The following VPS52 variants were observed in gnomAD, a reference collection of about 807,000 sequenced individuals.
The protein encoded by VPS52 is vacuolar protein sorting-associated protein 52 homolog.
In VPS52, 56 loss-of-function variants were observed where a neutral mutation model predicts 98.7. That is an observed-to-expected ratio of 0.57 (90% CI 0.46 to 0.71). The LOEUF (loss-of-function observed/expected upper bound fraction) is 0.71, where lower values mean the gene tolerates loss of function less well. VPS52 is among the 30% of genes least tolerant of loss of function. VPS52 has a pLI of 0.00. For synonymous variants in VPS52, 348 were observed against 346.4 expected (o/e 1.00, Z -0.05); for missense variants, 742 against 925.9 (o/e 0.80, Z 2.58).
chr6:33,267,761 C>A lies in VPS52; in HGVS notation c.934-22G>T. On this transcript the variant is annotated intron_variant, in intron 9 of 19. Coordinates refer to ENST00000445902, the MANE Select transcript of VPS52 (RefSeq NM_022553.6). The surrounding 1 kb of genome is among the most constrained non-coding windows in gnomAD (Gnocchi z 4.2). ...CATACTAAGGAAAGAGAAAAGAGAA[C>A]TGATAACCGTCTCTTCCCACAACAC... The A allele has an allele frequency of 6.2e-7, 1 of 1,612,988 alleles. No individual in the cohort carries two copies. The highest frequency in any genetic ancestry group is 8.5e-7 in the Non-Finnish European group (1 of 1,179,990).
chr6:33,266,752 G>T (rs1286697255), intron 11 of VPS52, 40 bp from the exon 12 acceptor site: 2 of 1,575,162 alleles, frequency 1.3e-6, no homozygotes, highest in South Asian at 2.4e-5. Context: ...AGAAGGGATG[G>T]ACCCCAACAC....
chr6:33,251,911 C>A lies in VPS52; in HGVS notation c.1855G>T (p.Ala619Ser), dbSNP rs1762299835. 6.2e-7 allele frequency: 1 copy of A among 1,613,146 alleles called. No individual in the cohort carries two copies. The highest frequency in any genetic ancestry group is 1.3e-5 in the African/African-American group (1 of 74,920). ...FGGLVAFVKE[A>S]EALIERGQAE... ...TGTCCACGCTCAATCAAAGCCTCAG[C>A]CTCCTTCACAAATGCCACTAAACCC... The change falls in exon 18 of 20, where the codon GCT (alanine) becomes TCT (serine). Residue 619 changes from alanine (A) to serine (S), a missense_variant. Around this residue, in one of 2 missense-constraint regions of VPS52, gnomAD observed 590 missense variants for 793.3 expected, o/e 0.74. Transcript: ENST00000445902.
rs974802038 is a variant in VPS52 at position 33,264,205 on chromosome 6, C to G, written c.1525-102G>C. 3.9e-6 allele frequency: 6 copies of G among 1,541,990 alleles called. No homozygotes were observed. In the African/African-American group the frequency reaches 8.2e-5, roughly 21 times the overall value. On this transcript the variant is annotated intron_variant, in intron 14 of 19. Coordinates refer to ENST00000445902, the MANE Select transcript of VPS52 (RefSeq NM_022553.6). ...CCACCTCCATGTGATGTGACTCTAC[C>G]TTCAGTCCCTCCTACCCACAGTGCA...
Position 33,269,885 on chromosome 6 carries a change from G to T in VPS52, c.229-66C>A, listed in dbSNP as rs540434750. On this transcript the variant is annotated intron_variant, in intron 3 of 19. Coordinates refer to ENST00000445902, the MANE Select transcript of VPS52 (RefSeq NM_022553.6). ...GTAAAGGGACACTGTAACAGAATCA[G>T]TGAAGGACTAAAGGGTCAGATACCA... 3.8e-5 allele frequency: 60 copies of T among 1,593,472 alleles called. No individual in the cohort carries two copies. The East Asian group carries it at 1.2e-3, about 33-fold the overall frequency.
chr6:33,254,015 G>C (rs1581552577), intron 17 of VPS52, among the ~76,000 whole-genome samples: 2 of 152,122 alleles, frequency 1.3e-5, no homozygotes, highest in South Asian at 4.1e-4. Context: ...TAATGTAAAA[G>C]GGAGATTCAA....
chr6:33,251,269 G>C (rs1033396413), intron 19 of VPS52, among the ~76,000 whole-genome samples: 1 of 151,934 alleles, frequency 6.6e-6, no homozygotes, highest in African/African-American at 2.4e-5. Flanking sequence ...TTGAACCTGG[G>C]AGGCAGAGGT....
rs1259410419 is a variant in VPS52 at position 33,269,052 on chromosome 6, C to A, written c.510G>T (p.Glu170Asp). ...NRQAVRGKLGELVDGLVVPSA... is the reference protein window; with the variant it reads ...NRQAVRGKLGDLVDGLVVPSA... Reference sequence around the variant, plus strand: ...AAGGCACCACCAGACCATCAACAAGCTCCCCAAGTTTCCCCCGAACTGCCT... The same window carrying A: ...AAGGCACCACCAGACCATCAACAAGATCCCCAAGTTTCCCCCGAACTGCCT... Residue 170 changes from glutamate to aspartate, a missense_variant, in exon 6 of 20, where the codon GAG becomes GAT. Physicochemically the swap from Glu to Asp is conservative, Grantham distance 45 (BLOSUM62 2). Transcript: ENST00000445902. 7 of 1,612,700 alleles carry A rather than the reference C, an allele frequency of 4.3e-6. No individual in the cohort carries two copies. Among genetic ancestry groups the A allele is most frequent in the Non-Finnish European group, 5.9e-6 (7 of 1,179,922 alleles).
At chr6:33,266,534 G>C in intron 12 of VPS52, 23 bp downstream of exon 12, 1 of 1,563,066 alleles carries the variant, frequency 6.4e-7, no homozygotes, top group Non-Finnish European at 8.7e-7. Context: ...GGTGTTGAAT[G>C]GTACAGGAAA....
intron 19 of VPS52, 91 bp downstream of exon 19, chr6:33,251,427 G>T: frequency 1.2e-6 from 1 of 843,124 alleles, no homozygotes; most frequent in South Asian, 1.6e-5. Flanking sequence ...TGAAGACCAA[G>T]GGTCACTTAG....
intron 1 of VPS52, chr6:33,271,368 TGTGGA>T: frequency 1.4e-6 from 1 of 727,254 alleles, no homozygotes; most frequent in Non-Finnish European, 2.5e-6. Context: ...TACCCCAAAA[TGTGGA>T]GTGAAGTTGA....
rs760650425 is a variant in VPS52 at position 33,264,399 on chromosome 6, C to A, written c.1499G>T (p.Gly500Val). 3 of 1,614,218 alleles carry A rather than the reference C, an allele frequency of 1.9e-6. No homozygotes were observed. The highest frequency in any genetic ancestry group is 2.7e-5 in the African/African-American group (2 of 75,060). ...SVRSTDPQRLGGLDTRPHYIT... is the reference protein window; with the variant it reads ...SVRSTDPQRLVGLDTRPHYIT... The stretch of plus-strand genomic sequence containing the variant: ...ATAGTGGGGCCGAGTATCCAACCCC[C>A]CTAGGCGCTGGGGGTCAGTGCTTCG... Residue 500 changes from glycine (G) to valine (V), a missense_variant, in exon 14 of 20, where the codon GGG becomes GTG. Transcript: ENST00000445902.
At chr6:33,263,674 G>C in intron 16 of VPS52, 98 bp downstream of exon 16, 1 of 1,578,936 alleles carries the variant, frequency 6.3e-7, no homozygotes, top group Non-Finnish European at 8.7e-7. Flanking sequence ...GTAAAACACT[G>C]AACAAGACAG....
rs557217193 is a variant in VPS52, at chr6:33,258,445, A to ACT, written c.1794+5038_1794+5039insAG. The stretch of plus-strand genomic sequence containing the variant: ...GAGCCCAGGAGCCTGGGCAACACAG[A>ACT]AAGACCCTCATCTCACCAAAAAAAA... On this transcript the variant is annotated intron_variant, in intron 17 of 19. Coordinates refer to ENST00000445902, the MANE Select transcript of VPS52 (RefSeq NM_022553.6). Among the ~76,000 whole-genome samples the ACT allele has an allele frequency of 3.5e-4, 51 of 145,290 alleles. No homozygotes were observed. The South Asian group carries it at 5.7e-3, about 16-fold the overall frequency.
At chr6:33,251,187 C>A (rs1024225654) in intron 19 of VPS52, among the ~76,000 whole-genome samples, 200 bp from the exon 20 acceptor site, 3 of 151,950 alleles carry the variant, frequency 2.0e-5, no homozygotes, top group Non-Finnish European at 4.4e-5. Flanking sequence ...ACTACAAATA[C>A]GAAAATTAGC....
chr6:33,265,435 T>C (rs1764192180), intron 12 of VPS52, among the ~76,000 whole-genome samples: 1 of 152,176 alleles, frequency 6.6e-6, no homozygotes, highest in Non-Finnish European at 1.5e-5. Context: ...GGTACAATCA[T>C]AGTTCACTGC....
Position 33,271,825 on chromosome 6 carries a change from T to C in VPS52, c.-150A>G. 10 of 1,428,006 alleles carry C rather than the reference T, an allele frequency of 7.0e-6. No individual in the cohort carries two copies. The highest frequency in any genetic ancestry group is 9.2e-6 in the Non-Finnish European group (10 of 1,085,278). The allele number at this position is 1,428,006 out of a possible 1,614,324, so 88.5% of individuals were successfully genotyped here. A position where few individuals can be genotyped will look rare whatever the true frequency, so the allele number is the denominator to read the frequency against. On this transcript the variant is annotated 5_prime_UTR_variant, in exon 1 of 20. Transcript: ENST00000445902. ...GACTCCAGCTGTCCCCTTTCAGCTC[T>C]AACCACTTCACCCAACTGCAAATGG...
chr6:33,268,012 A>G lies in VPS52; in HGVS notation c.801-15T>C. The G allele has an allele frequency of 6.2e-7, 1 of 1,613,044 alleles. No homozygotes were observed. Among genetic ancestry groups the G allele is most frequent in the Non-Finnish European group, 8.5e-7 (1 of 1,180,014 alleles). On this transcript the variant is annotated splice_polypyrimidine_tract_variant and intron_variant, in intron 8 of 19. Transcript: ENST00000445902. The surrounding 1 kb of genome is among the most constrained non-coding windows in gnomAD (Gnocchi z 4.0). ...GATAGAAGAACCTAGGGGGTCAGGA[A>G]CATGTCAGTCTACCTGTCTCCCAAG...
chr6:33,269,738 G>C lies in VPS52; in HGVS notation c.304+6C>G, dbSNP rs759581798. ...AGCACCACCCCTTCCCTCTGCTGGAGGATACAATCCCGAATGGATTTCTGT... is the reference window on the plus strand; with the variant it reads ...AGCACCACCCCTTCCCTCTGCTGGACGATACAATCCCGAATGGATTTCTGT... On this transcript the variant is annotated splice_donor_region_variant and intron_variant, in intron 4 of 19. Coordinates refer to ENST00000445902, the MANE Select transcript of VPS52 (RefSeq NM_022553.6). 1.9e-6 allele frequency: 3 copies of C among 1,613,228 alleles called. No homozygotes were observed. The highest frequency in any genetic ancestry group is 8.5e-7 in the Non-Finnish European group (1 of 1,179,690).
At chr6:33,262,939 T>C (rs905035023) in intron 17 of VPS52, among the ~76,000 whole-genome samples, 7 of 151,976 alleles carry the variant, frequency 4.6e-5, no homozygotes, top group Non-Finnish European at 8.8e-5. Context: ...CAAACAAAAA[T>C]AGGAAGAATA....
Sources: gnomAD v4.1 joint callset for allele counts (sites outside exome capture counted in the v4.1 genomes callset) on GRCh38, gnomAD v4.1.1 for gene constraint, gnomAD v4.1.1 regional missense constraint, Gnocchi (gnomAD v3.1) non-coding constraint, MANE v1.5 for transcripts, NCBI Gene and HGNC (gene_info 2026-07-23, HGNC 2026-07-21) for gene names.